MEGF11: variants seen among roughly 807,000 people sequenced by gnomAD.
The protein encoded by MEGF11 is multiple EGF like domains 11, also known as multiple epidermal growth factor-like domains protein 11.
Under a neutral mutation model 146.6 loss-of-function variants are expected in MEGF11, and 126 were observed. The observed-to-expected ratio is 0.86, with a 90% CI of 0.74 to 1.00. The LOEUF (loss-of-function observed/expected upper bound fraction) is 1.00, where lower values mean the gene tolerates loss of function less well. Ranked by LOEUF, MEGF11 falls within the 50% of genes least tolerant of loss-of-function variation. The probability of loss-of-function intolerance (pLI) is 0.00; values close to 1 mark genes in which losing one functional copy is unlikely to be tolerated. For missense variants in MEGF11, 1,509 were observed against 1,521.2 expected, an observed-to-expected ratio of 0.99 and a Z score of 0.13; for synonymous variants, 532 against 583.4, an observed-to-expected ratio of 0.91 and a Z score of 1.27.
At chr15:66,163,567 C>A (rs1187826868) in intron 1 of MEGF11, among the ~76,000 whole-genome samples, 1 of 152,204 alleles carries the variant, frequency 6.6e-6, no homozygotes, top group Non-Finnish European at 1.5e-5. Flanking sequence ...TCCTGGCTCC[C>A]CATCCTGGGC....
intron 1 of MEGF11, among the ~76,000 whole-genome samples, chr15:66,183,536 AAAAAG>A (rs1256166543): frequency 8.9e-6 from 1 of 112,662 alleles, no homozygotes; most frequent in Non-Finnish European, 1.9e-5. Flanking sequence ...CCCCCCTGCC[AAAAAG>A]AAAAAAAAAA....
At chr15:66,148,280 T>C (rs2089447294) in intron 1 of MEGF11, among the ~76,000 whole-genome samples, 1 of 152,066 alleles carries the variant, frequency 6.6e-6, no homozygotes, top group African/African-American at 2.4e-5. Flanking sequence ...AAGATTGAAC[T>C]GAAAAATGAG....
At chr15:66,063,307 T>G (rs1367856399) in intron 5 of MEGF11, among the ~76,000 whole-genome samples, 1 of 152,154 alleles carries the variant, frequency 6.6e-6, no homozygotes, top group African/African-American at 2.4e-5. Flanking sequence ...GAGTTCACAC[T>G]GGTTGCTGGG....
rs114033343 is a variant in MEGF11 at position 65,957,436 on chromosome 15, G to A, written c.1287+111C>T. ...CCCTCATGAAGTCTGTCTCTGAGGC[G>A]GACACAAGGAGGCAGCTGGGTGCAG... On this transcript the variant is annotated intron_variant, in intron 10 of 25. Transcript: ENST00000395614. 5.9e-5 allele frequency: 61 copies of A among 1,038,996 alleles called. No homozygotes were observed. In the African/African-American group the frequency reaches 6.9e-4, roughly 12 times the overall value. The allele number at this position is 1,038,996 out of a possible 1,614,324, so 64.4% of individuals were successfully genotyped here.
intron 5 of MEGF11, among the ~76,000 whole-genome samples, chr15:66,082,807 C>A (rs2085948589): frequency 6.6e-6 from 1 of 152,116 alleles, no homozygotes. Context: ...TCCCGCCTCC[C>A]TCCACCTCTC....
At position 65,965,048 on chromosome 15, in the gene MEGF11, C is replaced by T. The variant is rs2081013245; in HGVS notation, c.972G>A (p.Gly324=). ...CSQHCDCHNG[G]QCSPTTGACE... ...AGGCACCCGTGGTGGGTGAACACTG[C>T]CCCCCATTGTGGCAGTCACAGTGCT... The change falls in exon 9 of 26, where the codon GGG becomes GGA. Residue 324 remains glycine (G), a synonymous_variant. Transcript: ENST00000395614. 1 of 1,591,096 alleles carries T rather than the reference C, an allele frequency of 6.3e-7. No individual in the cohort carries two copies. The highest frequency in any genetic ancestry group is 1.1e-5 in the South Asian group (1 of 87,280).
chr15:65,908,286 C>A (rs552321053), intron 23 of MEGF11, among the ~76,000 whole-genome samples: 5 of 152,164 alleles, frequency 3.3e-5, no homozygotes, highest in Non-Finnish European at 5.9e-5. Context: ...AGCCTGAGGT[C>A]AGGCCTAGAG....
intron 5 of MEGF11, among the ~76,000 whole-genome samples, chr15:66,014,133 A>G (rs2082803035): frequency 6.6e-6 from 1 of 152,234 alleles, no homozygotes; most frequent in Admixed American, 6.5e-5. Flanking sequence ...GAACAAAGGC[A>G]GTAGTGATGG....
intron 1 of MEGF11, among the ~76,000 whole-genome samples, chr15:66,154,175 G>A (rs1471767575): frequency 6.6e-6 from 1 of 152,222 alleles, no homozygotes; most frequent in East Asian, 1.9e-4. Flanking sequence ...GGTGTGGCTG[G>A]AGTAAATGAT....
intron 5 of MEGF11, among the ~76,000 whole-genome samples, chr15:65,994,906 T>A (rs1244053498): frequency 6.6e-6 from 1 of 152,234 alleles, no homozygotes; most frequent in Non-Finnish European, 1.5e-5. Flanking sequence ...GGCCTAGGTC[T>A]ACTAAGAACT....
intron 5 of MEGF11, among the ~76,000 whole-genome samples, chr15:65,994,155 C>T (rs577792966): frequency 1.3e-5 from 2 of 152,324 alleles, no homozygotes; most frequent in African/African-American, 4.8e-5. Flanking sequence ...TGCCTTTAAA[C>T]GTCTGTGTTT....
chr15:66,231,656 A>G (rs2091970207), intron 1 of MEGF11, among the ~76,000 whole-genome samples: 1 of 151,754 alleles, frequency 6.6e-6, no homozygotes, highest in African/African-American at 2.4e-5. Flanking sequence ...TCATCCCTGG[A>G]CCCTTTTGTG....
chr15:65,970,918 G>A (rs986183923), intron 7 of MEGF11: 17 of 571,492 alleles, frequency 3.0e-5, no homozygotes, highest in African/African-American at 7.5e-5. Context: ...TATTGTATAC[G>A]AGGTGCTGTG....
chr15:65,925,192 T>G (rs1313581298), intron 13 of MEGF11, among the ~76,000 whole-genome samples: 2 of 152,244 alleles, frequency 1.3e-5, no homozygotes, highest in Non-Finnish European at 2.9e-5. Context: ...GTTGCTATTG[T>G]GTTTATCCCA....
intron 5 of MEGF11, among the ~76,000 whole-genome samples, chr15:66,035,685 T>C (rs2083700071): frequency 3.9e-5 from 6 of 152,214 alleles, no homozygotes; most frequent in Admixed American, 3.3e-4. Context: ...ATGTACCCAC[T>C]ACTTAGATTA....
intron 5 of MEGF11, among the ~76,000 whole-genome samples, chr15:66,070,091 G>A (rs569812469): frequency 6.6e-6 from 1 of 152,368 alleles, no homozygotes; most frequent in Admixed American, 6.5e-5. Flanking sequence ...AGGACAATCA[G>A]GAAAAGACTG....
chr15:65,904,751 C>T (rs1024565928), intron 24 of MEGF11, among the ~76,000 whole-genome samples: 2 of 152,164 alleles, frequency 1.3e-5, no homozygotes, highest in African/African-American at 2.4e-5. Context: ...CATGCAGATT[C>T]CAGGGCCCCA....
intron 4 of MEGF11, among the ~76,000 whole-genome samples, chr15:66,110,135 T>C (rs1197100976): frequency 6.6e-6 from 1 of 152,106 alleles, no homozygotes; most frequent in African/African-American, 2.4e-5. Flanking sequence ...GAATCCAACA[T>C]AGGCATTAAC....
rs151242134 is a variant in MEGF11 at position 66,013,056 on chromosome 15, G to T, written c.395-30568C>A. ...CCTTGTCATTTTACAGATAAGGAAA[G>T]CAAGGCCCACAGAGGAGTGGGTCTT... On this transcript the variant is annotated intron_variant, in intron 5 of 25. Transcript: ENST00000395614. 2.0e-5 allele frequency among the ~76,000 whole-genome samples: 3 copies of T among 152,250 alleles called. 1 individual carries two copies. Among genetic ancestry groups the T allele is most frequent in the African/African-American group, 7.2e-5 (3 of 41,458 alleles).
Sources: allele counts gnomAD v4.1 joint callset (sites outside exome capture counted in the v4.1 genomes callset), GRCh38; gene constraint gnomAD v4.1.1; transcripts MANE v1.5; gene names NCBI Gene and HGNC (gene_info 2026-07-23, HGNC 2026-07-21).